Variants in RBPJ observed in about 807,000 individuals in gnomAD.
RBPJ encodes the protein recombination signal binding protein for immunoglobulin kappa J region, also known as recombining binding protein suppressor of hairless.
Under a neutral mutation model 67.8 loss-of-function variants are expected in RBPJ, and 9 were observed. The observed-to-expected ratio is 0.13, with a 90% CI of 0.08 to 0.23. RBPJ has a LOEUF of 0.23. Among genes scored for constraint, RBPJ ranks in the 10% least tolerant of loss-of-function variants. RBPJ has a pLI of 1.00. For synonymous variants in RBPJ, 198 were observed against 203.3 expected, an observed-to-expected ratio of 0.97 and a Z score of 0.22; for missense variants, 305 against 595.6, an observed-to-expected ratio of 0.51 and a Z score of 5.08.
chr4:26,326,719 G>A (rs1277680408), intron 1 of RBPJ, among the ~76,000 whole-genome samples: 5 of 152,204 alleles, frequency 3.3e-5, no homozygotes, highest in African/African-American at 1.2e-4. Context: ...AAATGAAACA[G>A]TGTATGTGTA....
upstream of RBPJ, among the ~76,000 whole-genome samples, chr4:26,318,618 A>G (rs890277535): frequency 9.9e-5 from 15 of 152,190 alleles, no homozygotes; most frequent in African/African-American, 3.6e-4. Context: ...ATACAAGGCA[A>G]CAAGGCGAGA....
At chr4:26,374,166 C>T (rs745375503) in intron 1 of RBPJ, among the ~76,000 whole-genome samples, 14 of 151,958 alleles carry the variant, frequency 9.2e-5, no homozygotes, top group African/African-American at 3.4e-4. Flanking sequence ...TCTCAAACTC[C>T]TGACCTCAGG....
intron 1 of RBPJ, among the ~76,000 whole-genome samples, chr4:26,274,147 C>T (rs1289202339): frequency 6.6e-6 from 1 of 152,132 alleles, no homozygotes; most frequent in Non-Finnish European, 1.5e-5. Flanking sequence ...TATTTTACTG[C>T]TTCATTTGAT....
At position 26,407,883 on chromosome 4, in the gene RBPJ, C is replaced by CTTTTT. The variant is rs61575988; in HGVS notation, c.155+1638_155+1642dup. ...TGAAAAGAGGGGTAAAGCTTTCTTT[C>CTTTTT]TTTTTTTTTTTTTTTTTTTTTTTTT... On this transcript the variant is annotated intron_variant, in intron 3 of 10. Transcript: ENST00000355476. Among the ~76,000 whole-genome samples the CTTTTT allele has an allele frequency of 2.2e-3, 140 of 63,642 alleles. 13 individuals are homozygous for CTTTTT. The highest frequency in any genetic ancestry group is 5.2e-3 in the African/African-American group (78 of 15,140). 41.8% of individuals were successfully genotyped at this position (63,642 alleles called of 152,430 possible).
intron 1 of RBPJ, among the ~76,000 whole-genome samples, chr4:26,367,630 G>A (rs1728764266): frequency 6.6e-6 from 1 of 152,232 alleles, no homozygotes; most frequent in African/African-American, 2.4e-5. Flanking sequence ...GCAGTTAAAT[G>A]TTCAAATGTT....
At chr4:26,257,376 T>C (rs1185949278) in intron 1 of RBPJ, among the ~76,000 whole-genome samples, 1 of 152,254 alleles carries the variant, frequency 6.6e-6, no homozygotes, top group Non-Finnish European at 1.5e-5. Flanking sequence ...ATGCCTGTAA[T>C]CCCAGCACTT....
intron 1 of RBPJ, among the ~76,000 whole-genome samples, chr4:26,283,706 G>A (rs1560243539): frequency 6.7e-6 from 1 of 148,282 alleles, no homozygotes; most frequent in Non-Finnish European, 1.5e-5. Context: ...GAGTGCCATA[G>A]CATGATCTCA....
intron 2 of RBPJ, among the ~76,000 whole-genome samples, chr4:26,397,854 C>A (rs1373969500): frequency 6.6e-6 from 1 of 152,104 alleles, no homozygotes; most frequent in Non-Finnish European, 1.5e-5. Context: ...AGGATGGTCT[C>A]AATCTCCTGA....
intron 3 of RBPJ, chr4:26,410,185 C>T (rs1196112440): frequency 1.2e-5 from 4 of 327,278 alleles, no homozygotes; most frequent in Non-Finnish European, 2.4e-5. Context: ...CTTGCCGATC[C>T]TGGTTCAGGC....
upstream of RBPJ, chr4:26,319,884 T>C: frequency 6.6e-7 from 1 of 1,508,754 alleles, no homozygotes; most frequent in Non-Finnish European, 9.2e-7. Flanking sequence ...GATGGGGGGC[T>C]GCAGGTAGGA....
intron 1 of RBPJ, among the ~76,000 whole-genome samples, chr4:26,326,115 T>C (rs573601557): frequency 3.3e-5 from 5 of 152,114 alleles, no homozygotes; most frequent in Admixed American, 6.6e-5. Context: ...GCAACATGGT[T>C]CATGTGGCAC....
intron 1 of RBPJ, among the ~76,000 whole-genome samples, chr4:26,166,244 G>T (rs879799308): frequency 4.7e-5 from 6 of 127,736 alleles, no homozygotes; most frequent in Admixed American, 2.5e-4. Flanking sequence ...GTAATGGGAT[G>T]GCTGGGTCAA....
the RBPJ span, among the ~76,000 whole-genome samples, chr4:26,126,572 A>T: frequency 6.5e-3 from 985 of 152,352 alleles, 20 homozygotes; most frequent in East Asian, 0.046. Context: ...TATAGTCATT[A>T]TGATACTGGT....
intron 1 of RBPJ, among the ~76,000 whole-genome samples, chr4:26,298,718 T>C (rs1487530568): frequency 6.6e-6 from 1 of 152,208 alleles, no homozygotes; most frequent in Non-Finnish European, 1.5e-5. Flanking sequence ...AGTTTGGTAT[T>C]ATTAACAGTG....
At chr4:26,212,404 A>C (rs1718455383) in intron 1 of RBPJ, among the ~76,000 whole-genome samples, 1 of 141,748 alleles carries the variant, frequency 7.1e-6, no homozygotes, top group African/African-American at 2.6e-5. Flanking sequence ...TCCCTTTCTC[A>C]TCTTCTCCTG....
At chr4:26,167,409 T>C (rs1288784748) in intron 1 of RBPJ, among the ~76,000 whole-genome samples, 8 of 149,100 alleles carry the variant, frequency 5.4e-5, no homozygotes, top group Admixed American at 3.3e-4. Context: ...TGGTTTGTAG[T>C]TCTCCTTGAA....
intron 1 of RBPJ, among the ~76,000 whole-genome samples, chr4:26,312,134 TA>T (rs1577414527): frequency 6.6e-6 from 1 of 151,110 alleles, no homozygotes; most frequent in Non-Finnish European, 1.5e-5. Context: ...TATTTTATTT[TA>T]TTTTATTTTT....
At chr4:26,178,607 CAAAAAAAAAA>C (rs1173498137) in intron 1 of RBPJ, among the ~76,000 whole-genome samples, 10 of 58,740 alleles carry the variant, frequency 1.7e-4, no homozygotes, top group African/African-American at 6.4e-4. Flanking sequence ...GACCCCGTAT[CAAAAAAAAAA>C]AAAAAAAAAA....
intron 4 of RBPJ, among the ~76,000 whole-genome samples, chr4:26,416,823 A>G (rs907263915): frequency 1.5e-4 from 23 of 152,314 alleles, no homozygotes; most frequent in African/African-American, 4.8e-4. Context: ...TACAGATAGT[A>G]CTACAGGTCT....
Sources: allele counts gnomAD v4.1 joint callset (sites outside exome capture counted in the v4.1 genomes callset), GRCh38; gene constraint gnomAD v4.1.1; transcripts MANE v1.5; gene names NCBI Gene and HGNC (gene_info 2026-07-23, HGNC 2026-07-21).